EYA1: variants seen among roughly 807,000 people sequenced by gnomAD.
The protein encoded by EYA1 is EYA transcriptional coactivator and phosphatase 1.
A neutral mutation model predicts 82.0 loss-of-function variants in EYA1; 16 were observed. That is an observed-to-expected ratio of 0.20 (90% CI 0.13 to 0.30). The LOEUF (loss-of-function observed/expected upper bound fraction) is 0.30, where lower values mean the gene tolerates loss of function less well. Among genes scored for constraint, EYA1 ranks in the 10% least tolerant of loss-of-function variants. The pLI is 1.00. For missense variants in EYA1, 633 were observed against 730.7 expected (o/e 0.87, Z 1.54); for synonymous variants, 261 against 264.4 (o/e 0.99, Z 0.12).
At chr8:71,483,919 AT>A (rs1810369011) in intron 2 of EYA1, among the ~76,000 whole-genome samples, 1 of 152,096 alleles carries the variant, frequency 6.6e-6, no homozygotes, top group Non-Finnish European at 1.5e-5. Context: ...GAGAGGGTAA[AT>A]TGTTTTCTTC....
At chr8:71,244,728 A>ATACATGTT in intron 11 of EYA1, 36 bp from the exon 12 acceptor site, 2 of 1,199,862 alleles carry the variant, frequency 1.7e-6, no homozygotes, top group Non-Finnish European at 1.2e-6. Context: ...GAACATGTAT[A>ATACATGTT]CTTCAGGTTA....
intron 9 of EYA1, among the ~76,000 whole-genome samples, chr8:71,289,122 G>C (rs1280057630): frequency 1.3e-5 from 2 of 152,134 alleles, no homozygotes; most frequent in Non-Finnish European, 2.9e-5. Context: ...AAGATGCAAG[G>C]AGGTCCCTGG....
intron 3 of EYA1, among the ~76,000 whole-genome samples, chr8:71,345,567 GT>G (rs911382232): frequency 6.6e-6 from 1 of 151,840 alleles, no homozygotes; most frequent in African/African-American, 2.4e-5. Context: ...TTGTGATTGT[GT>G]TTTTTTTAGT....
chr8:71,487,638 T>C (rs878914589), intron 2 of EYA1, among the ~76,000 whole-genome samples: 1 of 152,114 alleles, frequency 6.6e-6, no homozygotes, highest in Non-Finnish European at 1.5e-5. Flanking sequence ...TAAGAAAATA[T>C]AAACAATTCA....
At chr8:71,529,228 C>A (rs1276871554) in intron 2 of EYA1, among the ~76,000 whole-genome samples, 1 of 152,170 alleles carries the variant, frequency 6.6e-6, no homozygotes, top group Non-Finnish European at 1.5e-5. Flanking sequence ...AAGTTATTAT[C>A]TATTTGCTGA....
At chr8:71,369,202 CAAAAAAAAAAA>C (rs368382614) in intron 2 of EYA1, among the ~76,000 whole-genome samples, 1 of 57,670 alleles carries the variant, frequency 1.7e-5, no homozygotes, top group African/African-American at 5.8e-5. Context: ...GACTCCGTCT[CAAAAAAAAAAA>C]AAAAAAAAAA....
chr8:71,231,481 T>C (rs955165389), intron 12 of EYA1, among the ~76,000 whole-genome samples: 25 of 152,204 alleles, frequency 1.6e-4, no homozygotes, highest in Non-Finnish European at 3.7e-4. Flanking sequence ...CCTGGGGAAG[T>C]CACTGCTCCA....
At chr8:71,206,819 G>A (rs1807836631) in intron 17 of EYA1, among the ~76,000 whole-genome samples, 1 of 152,012 alleles carries the variant, frequency 6.6e-6, no homozygotes. Flanking sequence ...GCAGTGGCAT[G>A]AGTTCGGCTA....
chr8:71,352,329 C>T (rs1189600068), intron 3 of EYA1, among the ~76,000 whole-genome samples: 1 of 152,134 alleles, frequency 6.6e-6, no homozygotes, highest in Non-Finnish European at 1.5e-5. Flanking sequence ...CTGATTCACA[C>T]ACTTAATAAA....
chr8:71,529,261 C>T (rs1814069123), intron 2 of EYA1: 1 of 152,154 alleles, frequency 6.6e-6, no homozygotes, highest in Non-Finnish European at 1.5e-5. Flanking sequence ...TCCGAAAAGA[C>T]TACCCCAACT....
intron 2 of EYA1, among the ~76,000 whole-genome samples, chr8:71,382,946 C>A (rs1828789342): frequency 6.6e-6 from 1 of 152,028 alleles, no homozygotes; most frequent in South Asian, 2.1e-4. Flanking sequence ...TGTGGCATGT[C>A]AGACAGACAT....
chr8:71,437,969 A>G (rs1433036439), intron 2 of EYA1, among the ~76,000 whole-genome samples: 2 of 152,176 alleles, frequency 1.3e-5, no homozygotes, highest in African/African-American at 4.8e-5. Flanking sequence ...GTGACACATT[A>G]AAAATATTTA....
At chr8:71,213,509 A>G (rs893645729) in intron 16 of EYA1, among the ~76,000 whole-genome samples, 15 of 152,362 alleles carry the variant, frequency 9.8e-5, no homozygotes, top group African/African-American at 3.6e-4. Context: ...ATGGAACATG[A>G]AAGCACATAA....
At chr8:71,508,863 T>C (rs1812390151) in intron 2 of EYA1, among the ~76,000 whole-genome samples, 1 of 152,192 alleles carries the variant, frequency 6.6e-6, no homozygotes, top group Admixed American at 6.5e-5. Flanking sequence ...TTGTTACGTT[T>C]ATTCTACTGC....
intron 12 of EYA1, among the ~76,000 whole-genome samples, chr8:71,240,633 A>G (rs1812373679): frequency 6.6e-6 from 1 of 152,222 alleles, no homozygotes; most frequent in Non-Finnish European, 1.5e-5. Context: ...CACTCTGTCA[A>G]CATGGGTTAG....
At chr8:71,396,945 G>C (rs1209001949) in intron 2 of EYA1, among the ~76,000 whole-genome samples, 3 of 152,252 alleles carry the variant, frequency 2.0e-5, no homozygotes, top group Non-Finnish European at 4.4e-5. Flanking sequence ...AGGTCTCTAA[G>C]GACTTGCTTT....
intron 1 of EYA1, among the ~76,000 whole-genome samples, chr8:71,545,204 A>T (rs552490641): frequency 7.9e-5 from 12 of 152,376 alleles, no homozygotes; most frequent in African/African-American, 2.9e-4. Flanking sequence ...CATTAATGCC[A>T]TCTAATAGGA....
chr8:71,222,460 A>C (rs1810047382), intron 12 of EYA1, among the ~76,000 whole-genome samples: 1 of 152,196 alleles, frequency 6.6e-6, no homozygotes, highest in African/African-American at 2.4e-5. Flanking sequence ...CAGAAGTCCC[A>C]AGACACCAGA....
chr8:71,218,752 G>C (rs1043770326), intron 12 of EYA1, among the ~76,000 whole-genome samples: 1 of 151,874 alleles, frequency 6.6e-6, no homozygotes, highest in African/African-American at 2.4e-5. Flanking sequence ...ATCCTGAGTA[G>C]AAATTTCTGA....
Sources: allele counts gnomAD v4.1 joint callset (sites outside exome capture counted in the v4.1 genomes callset), GRCh38; gene constraint gnomAD v4.1.1; transcripts MANE v1.5; gene names NCBI Gene and HGNC (gene_info 2026-07-23, HGNC 2026-07-21).